RHOBTB3: variants seen among roughly 807,000 people sequenced by gnomAD.
RHOBTB3 encodes the protein rho-related BTB domain-containing protein 3.
In RHOBTB3, 47 loss-of-function variants were observed where a neutral mutation model predicts 67.2. The ratio of observed to expected loss-of-function variants is 0.70; its 90% CI spans 0.55 to 0.89. RHOBTB3 has a LOEUF of 0.89. Among genes scored for constraint, RHOBTB3 ranks in the 40% least tolerant of loss-of-function variants. The pLI is 0.00. For missense variants in RHOBTB3, 631 were observed against 750.0 expected (o/e 0.84, Z 1.85); for synonymous variants, 273 against 274.2 (o/e 1.00, Z 0.04).
intron 4 of RHOBTB3, among the ~76,000 whole-genome samples, chr5:95,750,315 A>G (rs1745053086): frequency 6.6e-6 from 1 of 152,144 alleles, no homozygotes; most frequent in Non-Finnish European, 1.5e-5. Context: ...CCCTCCCCAC[A>G]GGGCACAAGT....
intron 2 of RHOBTB3, chr5:95,732,607 T>A (rs1481113848): frequency 6.2e-6 from 1 of 161,342 alleles, no homozygotes; most frequent in Non-Finnish European, 1.3e-5. Flanking sequence ...GCACTATTAA[T>A]TGATCTCTGA....
At chr5:95,741,805 ATGTTTC>A (rs1755609655) in intron 3 of RHOBTB3, among the ~76,000 whole-genome samples, 1 of 151,988 alleles carries the variant, frequency 6.6e-6, no homozygotes, top group Admixed American at 6.6e-5. Context: ...CAAAATAGTG[ATGTTTC>A]TATCGTTCTT....
At position 95,794,320 on chromosome 5, in the gene RHOBTB3, A is replaced by G. The variant is rs1746508835; in HGVS notation, c.*1146A>G. The stretch of plus-strand genomic sequence containing the variant: ...CACAGAGAAAGATGCTCTGTAGAGA[A>G]TTTGCTACCGAAGTTGGCTCAAGAA... On this transcript the variant is annotated 3_prime_UTR_variant, in exon 12 of 12. Transcript: ENST00000379982. 5.9e-6 allele frequency: 1 copy of G among 170,102 alleles called. No homozygotes were observed. Among genetic ancestry groups the G allele is most frequent in the Non-Finnish European group, 1.3e-5 (1 of 77,948 alleles). The allele number at this position is 170,102 out of a possible 1,614,324, so 10.5% of individuals were successfully genotyped here. A position where few individuals can be genotyped will look rare whatever the true frequency, so the allele number is the denominator to read the frequency against.
At chr5:95,769,640 G>A (rs981800244) in intron 8 of RHOBTB3, 7 of 164,794 alleles carry the variant, frequency 4.2e-5, no homozygotes, top group South Asian at 1.6e-4. Flanking sequence ...TCTAATTTTT[G>A]TGTACCTTAT....
chr5:95,736,915 T>G lies in RHOBTB3; in HGVS notation c.255T>G (p.Thr85=). ...ACATATTTGACAGTGATTGGTACAC[T>G]TCTCGAAATCTAATTGGGGGCGCTG... The part of the protein sequence containing the change: ...VWDIFDSDWY[T]SRNLIGGADI... Residue 85 remains threonine, a synonymous_variant, in exon 3 of 12, where the codon ACT becomes ACG. Coordinates refer to ENST00000379982, the MANE Select transcript of RHOBTB3 (RefSeq NM_014899.4). 1 of 1,610,838 alleles carries G rather than the reference T, an allele frequency of 6.2e-7. No individual in the cohort carries two copies. The highest frequency in any genetic ancestry group is 8.5e-7 in the Non-Finnish European group (1 of 1,179,062).
rs755935034 is a variant in RHOBTB3, at chr5:95,755,695, C to G, written c.982C>G (p.Arg328Gly). The G allele has an allele frequency of 1.2e-6, 2 of 1,614,050 alleles. No homozygotes were observed. The highest frequency in any genetic ancestry group is 1.7e-6 in the Non-Finnish European group (2 of 1,179,968). The change falls in exon 6 of 12, where the codon CGA becomes GGA. Residue 328 changes from arginine (R) to glycine (G), a missense_variant. Arg to Gly is a moderately radical substitution (Grantham distance 125, BLOSUM62 -2). Transcript: ENST00000379982. ...SHESSGNPPLRVIVKDALFCS... is the reference protein window; with the variant it reads ...SHESSGNPPLGVIVKDALFCS... ...TGAATCTTCAGGCAACCCACCATTA[C>G]GAGTCATTGTTAAAGACGCCCTCTT...
intron 3 of RHOBTB3, among the ~76,000 whole-genome samples, chr5:95,740,714 G>A (rs1190953445): frequency 1.3e-5 from 2 of 152,182 alleles, no homozygotes; most frequent in African/African-American, 4.8e-5. Context: ...TCTCAGAATA[G>A]TTATCCTAGA....
At chr5:95,723,516 T>C (rs541198399) in intron 1 of RHOBTB3, among the ~76,000 whole-genome samples, 88 of 152,382 alleles carry the variant, frequency 5.8e-4, no homozygotes, top group Non-Finnish European at 1.2e-3. Flanking sequence ...GTTACTCTCA[T>C]GAAGTACGTG....
chr5:95,742,799 G>A (rs1412649387), intron 3 of RHOBTB3, among the ~76,000 whole-genome samples: 1 of 152,174 alleles, frequency 6.6e-6, no homozygotes, highest in Non-Finnish European at 1.5e-5. Context: ...CAGACCAGGC[G>A]CAGTGGCTCA....
At chr5:95,764,746 C>T (rs567334620) in intron 7 of RHOBTB3, among the ~76,000 whole-genome samples, 1 of 152,220 alleles carries the variant, frequency 6.6e-6, no homozygotes, top group African/African-American at 2.4e-5. Context: ...AACCTGTTAA[C>T]ATTTTAAAGT....
At chr5:95,769,217 A>G in intron 8 of RHOBTB3, 1 of 339,754 alleles carries the variant, frequency 2.9e-6, no homozygotes. Context: ...GTAACAAAAG[A>G]TGGTGTGACT....
rs1185268097 is a variant in RHOBTB3 at position 95,795,583 on chromosome 5, T to C, written c.*2409T>C. The stretch of plus-strand genomic sequence containing the variant: ...GTTGGGTTTGGAAGCTGGTGCCCAG[T>C]TGGTGTGGAGTGTGTAGTTTTGTTA... On this transcript the variant is annotated 3_prime_UTR_variant, in exon 12 of 12. Coordinates refer to ENST00000379982, the MANE Select transcript of RHOBTB3 (RefSeq NM_014899.4). 6.6e-6 allele frequency: 1 copy of C among 152,210 alleles called. No individual in the cohort carries two copies. Among genetic ancestry groups the C allele is most frequent in the Non-Finnish European group, 1.5e-5 (1 of 68,040 alleles). The allele number at this position is 152,210 out of a possible 1,614,324, so 9.4% of individuals were successfully genotyped here. A position where few individuals can be genotyped will look rare whatever the true frequency, so the allele number is the denominator to read the frequency against.
chr5:95,731,997 C>T lies in RHOBTB3; in HGVS notation c.141C>T (p.Ala47=), dbSNP rs772542080. ...AGAGCAGCTTGTTGCTGAACGCGGCCAGCACGGTCGCGCGTCCGGTGTTCA... is the reference window on the plus strand; with the variant it reads ...AGAGCAGCTTGTTGCTGAACGCGGCTAGCACGGTCGCGCGTCCGGTGTTCA... ...GDESSLLLNA[A]STVARPVFTE... is the part of the protein sequence containing the mutation. Residue 47 remains alanine (A), a synonymous_variant, in exon 2 of 12, where the codon GCC becomes GCT. Coordinates refer to ENST00000379982, the MANE Select transcript of RHOBTB3 (RefSeq NM_014899.4). 6.2e-7 allele frequency: 1 copy of T among 1,614,154 alleles called. No homozygotes were observed. Among genetic ancestry groups the T allele is most frequent in the Non-Finnish European group, 8.5e-7 (1 of 1,180,030 alleles).
At chr5:95,763,683 A>G (rs1745455642) in intron 7 of RHOBTB3, 63 bp downstream of exon 7, 2 of 919,638 alleles carry the variant, frequency 2.2e-6, no homozygotes, top group East Asian at 2.4e-5. Flanking sequence ...ACATACTATG[A>G]TGAATATAAA....
chr5:95,785,549 G>C (rs1413373132), intron 10 of RHOBTB3, among the ~76,000 whole-genome samples: 1 of 151,052 alleles, frequency 6.6e-6, no homozygotes, highest in Non-Finnish European at 1.5e-5. Flanking sequence ...AGCCGAGATC[G>C]TGCCACTGCA....
intron 6 of RHOBTB3, chr5:95,756,047 T>G (rs1745236012): frequency 3.1e-6 from 1 of 324,300 alleles, no homozygotes; most frequent in East Asian, 6.2e-5. Context: ...AAGAACACAG[T>G]TCAGTGGAAT....
rs1745375343 is a variant in RHOBTB3 at position 95,760,874 on chromosome 5, G to A, written c.1049-2634G>A. Among the ~76,000 whole-genome samples, 7 of 152,198 alleles carry A rather than the reference G, an allele frequency of 4.6e-5. No homozygotes were observed. The South Asian group carries it at 1.4e-3, about 32-fold the overall frequency. On this transcript the variant is annotated intron_variant, in intron 6 of 11. Coordinates refer to ENST00000379982, the MANE Select transcript of RHOBTB3 (RefSeq NM_014899.4). ...TTACCACTGGAAAAATAAAAGGAAAGTCCCAGCCTTAGGATTACTGGTTTA... is the reference window on the plus strand; with the variant it reads ...TTACCACTGGAAAAATAAAAGGAAAATCCCAGCCTTAGGATTACTGGTTTA...
rs1319312712 is a variant in RHOBTB3 at position 95,796,211 on chromosome 5, CTTTAT to C, written c.*3045_*3049del. On this transcript the variant is annotated 3_prime_UTR_variant, in exon 12 of 12. Coordinates refer to ENST00000379982, the MANE Select transcript of RHOBTB3 (RefSeq NM_014899.4). ...CTGACAAAAATGTCCTCAAAGAGTA[CTTTAT>C]TTTATTTAAAGCATCTGTTTAATTC... 6.6e-6 allele frequency: 1 copy of C among 152,164 alleles called. No homozygotes were observed. Among genetic ancestry groups the C allele is most frequent in the Admixed American group, 6.5e-5 (1 of 15,280 alleles). The allele number at this position is 152,164 out of a possible 1,614,324, so 9.4% of individuals were successfully genotyped here.
rs1746498024 is a variant in RHOBTB3, at chr5:95,794,019, A to G, written c.*845A>G. 2.2e-6 allele frequency: 1 copy of G among 456,060 alleles called. No individual in the cohort carries two copies. The highest frequency in any genetic ancestry group is 2.0e-5 in the African/African-American group (1 of 50,074). The allele number at this position is 456,060 out of a possible 1,614,324, so 28.3% of individuals were successfully genotyped here. A position where few individuals can be genotyped will look rare whatever the true frequency, so the allele number is the denominator to read the frequency against. On this transcript the variant is annotated 3_prime_UTR_variant, in exon 12 of 12. Transcript: ENST00000379982. ...CAAACACCTTTCTCTCTGAAAGCAG[A>G]AAAAGGCACTGATATAAAGGGAAGA... is the stretch of plus-strand genomic sequence containing the variant.
Sources: gnomAD v4.1 joint callset for allele counts (sites outside exome capture counted in the v4.1 genomes callset) on GRCh38, gnomAD v4.1.1 for gene constraint, MANE v1.5 for transcripts, NCBI Gene and HGNC (gene_info 2026-07-23, HGNC 2026-07-21) for gene names.